GATAD2A: variants seen among roughly 807,000 people sequenced by gnomAD.
The protein encoded by GATAD2A is transcriptional repressor p66-alpha.
Under a neutral mutation model 68.5 loss-of-function variants are expected in GATAD2A, and 12 were observed. That is an observed-to-expected ratio of 0.18 (90% confidence interval 0.11 to 0.28). The LOEUF is 0.28. GATAD2A is among the 10% of genes least tolerant of loss of function. The pLI is 1.00. For synonymous variants in GATAD2A, 410 were observed against 375.3 expected (o/e 1.09, Z -1.07); for missense variants, 755 against 868.5 (o/e 0.87, Z 1.64).
chr19:19,422,282 C>T (rs569689218), intron 1 of GATAD2A, among the ~76,000 whole-genome samples: 1 of 152,320 alleles, frequency 6.6e-6, no homozygotes, highest in South Asian at 2.1e-4. Flanking sequence ...TGCTTCCCAC[C>T]GCAGGAGGCA....
intron 1 of GATAD2A, among the ~76,000 whole-genome samples, chr19:19,390,727 C>T (rs1219726158): frequency 6.6e-6 from 1 of 152,136 alleles, no homozygotes; most frequent in Non-Finnish European, 1.5e-5. Context: ...CTATGTACGC[C>T]TAAGGGATCA....
At chr19:19,411,688 G>T (rs895294339) in intron 1 of GATAD2A, among the ~76,000 whole-genome samples, 1 of 152,092 alleles carries the variant, frequency 6.6e-6, no homozygotes, top group African/African-American at 2.4e-5. Context: ...CTCTTATGTT[G>T]GCGGAGACAG....
At chr19:19,444,444 T>C (rs1600142270) in intron 1 of GATAD2A, among the ~76,000 whole-genome samples, 1 of 152,238 alleles carries the variant, frequency 6.6e-6, no homozygotes, top group East Asian at 1.9e-4. Flanking sequence ...CTGAGGCAGC[T>C]CCCAGTAGGA....
chr19:19,445,237 C>T (rs1162857087), intron 1 of GATAD2A, among the ~76,000 whole-genome samples: 1 of 151,954 alleles, frequency 6.6e-6, no homozygotes, highest in East Asian at 1.9e-4. Context: ...TGTTTGGGGT[C>T]TTGTTGTATA....
intron 1 of GATAD2A, among the ~76,000 whole-genome samples, chr19:19,408,843 T>G (rs2050592160): frequency 6.6e-6 from 1 of 152,032 alleles, no homozygotes; most frequent in African/African-American, 2.4e-5. Context: ...AAAGGACCTT[T>G]CTCCTACTGG....
intron 1 of GATAD2A, among the ~76,000 whole-genome samples, chr19:19,450,629 C>T (rs1233612073): frequency 1.3e-5 from 2 of 151,414 alleles, no homozygotes; most frequent in African/African-American, 2.4e-5. Context: ...TCAGGATCCC[C>T]GTACCACAAG....
chr19:19,438,719 T>A (rs2054646324), intron 1 of GATAD2A, among the ~76,000 whole-genome samples: 1 of 152,216 alleles, frequency 6.6e-6, no homozygotes, highest in Admixed American at 6.5e-5. Flanking sequence ...GAAGGGAATT[T>A]CCAGAGGCCA....
intron 2 of GATAD2A, among the ~76,000 whole-genome samples, chr19:19,483,875 G>A (rs1002650813): frequency 6.7e-6 from 1 of 149,140 alleles, no homozygotes; most frequent in Non-Finnish European, 1.5e-5. Flanking sequence ...TGATCCGCCC[G>A]CCTCGGCCTC....
chr19:19,436,259 C>G, intron 1 of GATAD2A: 1 of 1,107,972 alleles, frequency 9.0e-7, no homozygotes, highest in Non-Finnish European at 1.3e-6. Flanking sequence ...AGGAAGGTTC[C>G]ACGCATCCAG....
chr19:19,439,986 A>G (rs2054814185), intron 1 of GATAD2A: 1 of 173,674 alleles, frequency 5.8e-6, no homozygotes, highest in African/African-American at 2.4e-5. Context: ...TCATTACAAC[A>G]CTCCGGAAAC....
chr19:19,482,059 A>G (rs963038360), intron 2 of GATAD2A, among the ~76,000 whole-genome samples: 3 of 151,914 alleles, frequency 2.0e-5, no homozygotes, highest in Non-Finnish European at 4.4e-5. Context: ...GTGAGCTGTG[A>G]TTGTACCATT....
chr19:19,387,723 C>T (rs2048544488), intron 1 of GATAD2A, among the ~76,000 whole-genome samples: 2 of 152,122 alleles, frequency 1.3e-5, no homozygotes, highest in Admixed American at 1.3e-4. Context: ...CCCTACTTTA[C>T]CAGTATCCTT....
intron 2 of GATAD2A, among the ~76,000 whole-genome samples, chr19:19,485,667 T>C (rs1250974064): frequency 6.6e-6 from 1 of 152,186 alleles, no homozygotes; most frequent in Non-Finnish European, 1.5e-5. Context: ...AGTTTGGGAA[T>C]TGAGCCATAA....
At chr19:19,429,328 C>A in intron 1 of GATAD2A, 1 of 667,656 alleles carries the variant, frequency 1.5e-6, no homozygotes. Flanking sequence ...GCTCTCCTGG[C>A]CATGGGAACG....
intron 7 of GATAD2A, 39 bp downstream of exon 7, chr19:19,496,258 TC>T: frequency 6.3e-7 from 1 of 1,581,982 alleles, no homozygotes; most frequent in Non-Finnish European, 8.7e-7. Context: ...AGAGTGTGTG[TC>T]CCACCTGTGA....
chr19:19,447,421 T>G (rs2055856553), intron 1 of GATAD2A, among the ~76,000 whole-genome samples: 1 of 152,136 alleles, frequency 6.6e-6, no homozygotes, highest in Non-Finnish European at 1.5e-5. Flanking sequence ...AAAGAAGCAC[T>G]GATACAGACC....
At chr19:19,390,646 T>C (rs1437113044) in intron 1 of GATAD2A, among the ~76,000 whole-genome samples, 1 of 152,154 alleles carries the variant, frequency 6.6e-6, no homozygotes, top group African/African-American at 2.4e-5. Flanking sequence ...TGTATTACTC[T>C]AATTAGACCA....
Position 19,505,854 on chromosome 19 carries a change from A to C in GATAD2A, c.*380A>C. 2.5e-6 allele frequency: 1 copy of C among 404,886 alleles called. No homozygotes were observed. 25.1% of individuals were successfully genotyped at this position (404,886 alleles called of 1,614,324 possible). ...GCTCACCCTGGACACTGTGATGCGC[A>C]TGGGCAAGGCCAGCGCCCGGGGCTT... On this transcript the variant is annotated 3_prime_UTR_variant, in exon 12 of 12. Coordinates refer to ENST00000683918, the MANE Select transcript of GATAD2A (RefSeq NM_001384528.1).
In GATAD2A at chr19:19,505,821, C is replaced by T; in HGVS notation, c.*347C>T. Reference sequence around the variant, plus strand: ...CCCCCTTGTTCAGCCCCTGCCGGCACACGGGCGGCTCACCCTGGACACTGT... The same window carrying T: ...CCCCCTTGTTCAGCCCCTGCCGGCATACGGGCGGCTCACCCTGGACACTGT... On this transcript the variant is annotated 3_prime_UTR_variant, in exon 12 of 12. Transcript: ENST00000683918. 1 of 437,912 alleles carries T rather than the reference C, an allele frequency of 2.3e-6. No homozygotes were observed. The highest frequency in any genetic ancestry group is 6.7e-5 in the South Asian group (1 of 14,844). The allele number at this position is 437,912 out of a possible 1,614,324, so 27.1% of individuals were successfully genotyped here. A position where few individuals can be genotyped will look rare whatever the true frequency, so the allele number is the denominator to read the frequency against.
Sources: gnomAD v4.1 joint callset for allele counts (sites outside exome capture counted in the v4.1 genomes callset) on GRCh38, gnomAD v4.1.1 for gene constraint, MANE v1.5 for transcripts, NCBI Gene and HGNC (gene_info 2026-07-23, HGNC 2026-07-21) for gene names.